Variants in GABRA1 observed in about 807,000 individuals in gnomAD.
The protein encoded by GABRA1 is gamma-aminobutyric acid receptor subunit alpha-1.
In GABRA1, 9 loss-of-function variants were observed where a neutral mutation model predicts 48.9. The observed-to-expected ratio is 0.18, with a 90% CI of 0.11 to 0.32. GABRA1 has a LOEUF of 0.32. Ranked by LOEUF, GABRA1 falls within the 10% of genes least tolerant of loss-of-function variation. GABRA1 has a pLI of 1.00. For missense variants in GABRA1, 285 were observed against 553.8 expected (o/e 0.51, Z 4.87); for synonymous variants, 210 against 198.7 (o/e 1.06, Z -0.48).
intron 8 of GABRA1, among the ~76,000 whole-genome samples, chr5:161,892,662 A>G (rs557611582): frequency 7.2e-6 from 1 of 138,978 alleles, no homozygotes; most frequent in African/African-American, 2.6e-5. Context: ...TTTTCTCACT[A>G]GGAAATTAAA....
chr5:161,868,936 T>C (rs1005599547), intron 4 of GABRA1, among the ~76,000 whole-genome samples: 3 of 152,156 alleles, frequency 2.0e-5, no homozygotes, highest in Non-Finnish European at 4.4e-5. Flanking sequence ...CAACCAACAA[T>C]ATTCCCTATT....
chr5:161,894,098 G>C (rs951975666), intron 8 of GABRA1, among the ~76,000 whole-genome samples: 1 of 152,142 alleles, frequency 6.6e-6, no homozygotes, highest in Non-Finnish European at 1.5e-5. Context: ...GACTAAAGTT[G>C]TCAATTATAA....
At position 161,897,606 on chromosome 5, in the gene GABRA1, G is replaced by C; in HGVS notation, c.*184G>C. 2 of 622,312 alleles carry C rather than the reference G, an allele frequency of 3.2e-6. No homozygotes were observed. The highest frequency in any genetic ancestry group is 5.6e-6 in the Non-Finnish European group (2 of 360,142). 38.5% of individuals were successfully genotyped at this position (622,312 alleles called of 1,614,324 possible). A position where few individuals can be genotyped will look rare whatever the true frequency, so the allele number is the denominator to read the frequency against. ...AGTCTGGAGCAAAGCAGACTATGCA[G>C]CTTGGAGACAGGATTCTGACAGAGC... On this transcript the variant is annotated 3_prime_UTR_variant, in exon 10 of 10. Transcript: ENST00000393943.
At chr5:161,849,065 G>C (rs1415112113) in intron 1 of GABRA1, 1 of 438,582 alleles carries the variant, frequency 2.3e-6, no homozygotes, top group East Asian at 8.0e-5. Context: ...TCTGGGGGAG[G>C]GGGAGGTTGA....
In GABRA1 at chr5:161,898,291, A is replaced by T. The variant is rs1424055351; in HGVS notation, c.*869A>T. 1 of 152,584 alleles carries T rather than the reference A, an allele frequency of 6.6e-6. No individual in the cohort carries two copies. The highest frequency in any genetic ancestry group is 2.4e-5 in the African/African-American group (1 of 41,438). 9.5% of individuals were successfully genotyped at this position (152,584 alleles called of 1,614,324 possible). A position where few individuals can be genotyped will look rare whatever the true frequency, so the allele number is the denominator to read the frequency against. On this transcript the variant is annotated 3_prime_UTR_variant, in exon 10 of 10. Transcript: ENST00000393943. ...CACTCACTTAATTCTCATTATGAAG[A>T]TGTTTTTAGAGGGGCAAAAATATTT...
At chr5:161,887,018 A>G (rs980633294) in intron 7 of GABRA1, among the ~76,000 whole-genome samples, 3 of 152,166 alleles carry the variant, frequency 2.0e-5, no homozygotes, top group African/African-American at 7.2e-5. Context: ...AAATAATGAA[A>G]TTGATCACGA....
chr5:161,885,534 G>A (rs1754806359), intron 7 of GABRA1, among the ~76,000 whole-genome samples: 1 of 152,046 alleles, frequency 6.6e-6, no homozygotes, highest in African/African-American at 2.4e-5. Flanking sequence ...CAACACATGG[G>A]AAAACATAAA....
intron 8 of GABRA1, among the ~76,000 whole-genome samples, chr5:161,893,508 A>C (rs1424488744): frequency 1.3e-5 from 2 of 152,098 alleles, no homozygotes; most frequent in Non-Finnish European, 2.9e-5. Context: ...AAAAGAAAAA[A>C]ACAAAAGAAC....
At chr5:161,853,167 GC>G (rs1488134446) in intron 2 of GABRA1, among the ~76,000 whole-genome samples, 4 of 151,804 alleles carry the variant, frequency 2.6e-5, no homozygotes, top group African/African-American at 9.7e-5. Flanking sequence ...GAGTTGTCAT[GC>G]TAATCATCAC....
chr5:161,893,714 C>G (rs761838229), intron 8 of GABRA1, among the ~76,000 whole-genome samples: 1 of 152,256 alleles, frequency 6.6e-6, no homozygotes, highest in African/African-American at 2.4e-5. Context: ...CGCCACCTAC[C>G]AGCTGCATGG....
At chr5:161,886,130 C>T (rs1298109844) in intron 7 of GABRA1, among the ~76,000 whole-genome samples, 3 of 152,122 alleles carry the variant, frequency 2.0e-5, no homozygotes, top group Admixed American at 1.3e-4. Flanking sequence ...GGTCATACAG[C>T]TGGGAAGTGG....
intron 8 of GABRA1, among the ~76,000 whole-genome samples, chr5:161,892,859 C>T (rs1029979319): frequency 1.3e-5 from 2 of 151,736 alleles, no homozygotes; most frequent in Non-Finnish European, 2.9e-5. Flanking sequence ...AAAAAATTAG[C>T]TGGGTGTAGT....
chr5:161,851,481 A>G (rs561192924), intron 2 of GABRA1, among the ~76,000 whole-genome samples: 8 of 152,162 alleles, frequency 5.3e-5, no homozygotes, highest in Non-Finnish European at 1.2e-4. Flanking sequence ...ATAAAGCTTA[A>G]TCATAGTCAA....
chr5:161,848,518 C>CGGGG (rs1757302283), intron 1 of GABRA1, 96 bp downstream of exon 1: 1 of 12,034 alleles, frequency 8.3e-5, no homozygotes, highest in Admixed American at 9.5e-4. Context: ...GGGGGGGGGG[C>CGGGG]GGGGGGAGAC....
chr5:161,858,537 G>A (rs1757736994), intron 3 of GABRA1, among the ~76,000 whole-genome samples: 1 of 151,718 alleles, frequency 6.6e-6, no homozygotes, highest in Non-Finnish European at 1.5e-5. Flanking sequence ...GAGCCACACT[G>A]ATGTACAGTT....
chr5:161,877,935 C>G (rs565383549), intron 6 of GABRA1, among the ~76,000 whole-genome samples: 2 of 152,198 alleles, frequency 1.3e-5, no homozygotes, highest in East Asian at 1.9e-4. Flanking sequence ...ATGACCTTAT[C>G]GAAATTTGCT....
intron 8 of GABRA1, among the ~76,000 whole-genome samples, chr5:161,893,593 A>G (rs767761067): frequency 1.3e-5 from 2 of 152,196 alleles, no homozygotes; most frequent in Non-Finnish European, 2.9e-5. Flanking sequence ...GTTGCAGTCT[A>G]TCTTGTGCCT....
intron 4 of GABRA1, among the ~76,000 whole-genome samples, chr5:161,870,471 G>T (rs544612709): frequency 5.3e-5 from 8 of 151,834 alleles, no homozygotes; most frequent in East Asian, 1.9e-4. Context: ...CTGAGACTGA[G>T]CCAGGAGAAT....
intron 4 of GABRA1, 70 bp downstream of exon 4, chr5:161,865,858 A>T (rs964757443): frequency 9.1e-5 from 122 of 1,346,314 alleles, no homozygotes; most frequent in Non-Finnish European, 9.6e-6. Context: ...GAAAAATATA[A>T]ACTAAGTTCT....
Sources: allele counts gnomAD v4.1 joint callset (sites outside exome capture counted in the v4.1 genomes callset), GRCh38; gene constraint gnomAD v4.1.1; transcripts MANE v1.5; gene names NCBI Gene and HGNC (gene_info 2026-07-23, HGNC 2026-07-21).